ALG8: variants seen among roughly 807,000 people sequenced by gnomAD.
ALG8 encodes dolichyl pyrophosphate Glc1Man9GlcNAc2 alpha-1,3-glucosyltransferase.
ALG8 carries 48 observed loss-of-function variants against 70.2 expected under a neutral mutation model. The ratio of observed to expected loss-of-function variants is 0.68; its 90% CI spans 0.54 to 0.87. The LOEUF (loss-of-function observed/expected upper bound fraction) is 0.87. Ranked by LOEUF, ALG8 falls within the 40% of genes least tolerant of loss-of-function variation. The pLI, the probability that ALG8 is intolerant of heterozygous loss-of-function variation, is 0.00. For missense variants in ALG8, 572 were observed against 608.7 expected (o/e 0.94, Z 0.64); for synonymous variants, 234 against 229.0 (o/e 1.02, Z -0.20).
chr11:78,125,000 T>C (rs369037248), intron 2 of ALG8, among the ~76,000 whole-genome samples: 1 of 151,420 alleles, frequency 6.6e-6, no homozygotes, highest in Non-Finnish European at 1.5e-5. Context: ...AGCTTTAGAA[T>C]AGTATATTTT....
chr11:78,109,396 A>G, intron 9 of ALG8, 46 bp downstream of exon 9: 1 of 1,612,980 alleles, frequency 6.2e-7, no homozygotes, highest in East Asian at 2.2e-5. Flanking sequence ...GACAAAAGAA[A>G]AGCAGAGAAA....
chr11:78,139,505 G>T lies in ALG8; in HGVS notation c.84C>A (p.Leu28=), dbSNP rs1435787174. 2 of 1,559,828 alleles carry T rather than the reference G, an allele frequency of 1.3e-6. No individual in the cohort carries two copies. Among genetic ancestry groups the T allele is most frequent in the Non-Finnish European group, 1.7e-6 (2 of 1,151,270 alleles). ...ALGVTLLKCL[L]IPTYHSTDFE... The stretch of plus-strand genomic sequence containing the variant: ...TGCGAGTCCCTTACTATGTGGGGAT[G>T]AGAAGGCATTTGAGAAGAGTCACCC... The change falls in exon 1 of 13, where the codon CTC becomes CTA. Residue 28 remains leucine (L), a synonymous_variant. Transcript: ENST00000299626.
intron 12 of ALG8, among the ~76,000 whole-genome samples, chr11:78,101,554 G>C (rs567218866): frequency 6.6e-6 from 1 of 152,196 alleles, no homozygotes; most frequent in Non-Finnish European, 1.5e-5. Context: ...GCTTTAACTG[G>C]GTTGCAGTGA....
chr11:78,121,312 TC>T, intron 3 of ALG8, 138 bp from the exon 4 acceptor site: 1 of 718,262 alleles, frequency 1.4e-6, no homozygotes, highest in Non-Finnish European at 2.4e-6. Flanking sequence ...TTCCAATTTT[TC>T]TTTTTCTTTT....
chr11:78,133,073 G>A (rs1157054247), intron 1 of ALG8, among the ~76,000 whole-genome samples: 1 of 152,012 alleles, frequency 6.6e-6, no homozygotes, highest in East Asian at 1.9e-4. Context: ...CTGACCTCGT[G>A]ATCCGCCCGC....
At chr11:78,104,696 G>C (rs1442458856) in intron 10 of ALG8, 4 of 435,466 alleles carry the variant, frequency 9.2e-6, no homozygotes, top group Non-Finnish European at 1.7e-5. Context: ...GGGGACAGTG[G>C]CTCATGCCTT....
At chr11:78,126,486 T>C (rs1257796509) in intron 2 of ALG8, among the ~76,000 whole-genome samples, 6 of 147,804 alleles carry the variant, frequency 4.1e-5, no homozygotes, top group Non-Finnish European at 3.0e-5. Context: ...GAGCTGAGAT[T>C]GTGCCACTGC....
At chr11:78,106,326 T>C (rs1590806213) in intron 10 of ALG8, among the ~76,000 whole-genome samples, 1 of 152,192 alleles carries the variant, frequency 6.6e-6, no homozygotes, top group South Asian at 2.1e-4. Context: ...GCCTCCCGAG[T>C]AGCTGGGACT....
chr11:78,139,461 C>T (rs750907911), intron 1 of ALG8, 33 bp downstream of exon 1: 1 of 1,550,540 alleles, frequency 6.4e-7, no homozygotes, highest in South Asian at 1.2e-5. Flanking sequence ...GCGGGGCCTC[C>T]CCGCCCAGCC....
At chr11:78,105,619 C>A (rs565796989) in intron 10 of ALG8, among the ~76,000 whole-genome samples, 146 of 125,464 alleles carry the variant, frequency 1.2e-3, no homozygotes, top group African/African-American at 4.4e-3. Context: ...GCCTAGGCAA[C>A]ATGGCAAGAC....
At chr11:78,114,514 C>G (rs1186354001) in intron 5 of ALG8, 122 bp from the exon 6 acceptor site, 1 of 1,151,066 alleles carries the variant, frequency 8.7e-7, no homozygotes, top group African/African-American at 1.5e-5. Flanking sequence ...GGGTGAAATT[C>G]AAATGCATCA....
At chr11:78,112,314 A>AG (rs980842327) in intron 8 of ALG8, 11 of 342,408 alleles carry the variant, frequency 3.2e-5, no homozygotes, top group East Asian at 1.5e-4. Context: ...AATGGTGAGA[A>AG]GGGGGGAAAA....
rs550145455 is a variant in ALG8 at position 78,134,435 on chromosome 11, G to C, written c.95+5059C>G. 2.1e-4 allele frequency among the ~76,000 whole-genome samples: 32 copies of C among 152,294 alleles called. 1 individual carries two copies. The highest frequency in any genetic ancestry group is 7.5e-4 in the African/African-American group (31 of 41,562). ...TTACAGGCATGAGCCACTGCGCCTG[G>C]CAAGACTGTGGCAATTGCTTAAAAT... On this transcript the variant is annotated intron_variant, in intron 1 of 12. Transcript: ENST00000299626.
At chr11:78,132,058 C>T (rs2136942902) in intron 1 of ALG8, among the ~76,000 whole-genome samples, 1 of 152,290 alleles carries the variant, frequency 6.6e-6, no homozygotes, top group South Asian at 2.1e-4. Context: ...TCTTACTCTA[C>T]ATTCACCTTT....
chr11:78,118,004 G>A (rs906607282), intron 5 of ALG8, among the ~76,000 whole-genome samples: 1 of 151,122 alleles, frequency 6.6e-6, no homozygotes, highest in Non-Finnish European at 1.5e-5. Flanking sequence ...CCAGGAGAAG[G>A]AGCTTGCAGT....
At position 78,138,703 on chromosome 11, in the gene ALG8, T is replaced by G; in HGVS notation, c.95+791A>C. On this transcript the variant is annotated intron_variant, in intron 1 of 12. Transcript: ENST00000299626. Reference sequence around the variant, plus strand: ...GAAGCCAATATTAATAAATACTGAGTACCTACTGTATACACACCACCATTT... The same window carrying G: ...GAAGCCAATATTAATAAATACTGAGGACCTACTGTATACACACCACCATTT... 2.2e-6 allele frequency: 1 copy of G among 456,268 alleles called. No individual in the cohort carries two copies. The highest frequency in any genetic ancestry group is 4.4e-6 in the Non-Finnish European group (1 of 226,950). 28.3% of individuals were successfully genotyped at this position (456,268 alleles called of 1,614,324 possible).
intron 1 of ALG8, among the ~76,000 whole-genome samples, chr11:78,135,864 G>GAAAA (rs57209723): frequency 0.18 from 25,883 of 140,288 alleles, 2,733 homozygotes; most frequent in African/African-American, 0.28. Flanking sequence ...AAATAAATAA[G>GAAAA]AAAAAAAAAA....
chr11:78,114,149 G>A, intron 6 of ALG8, 117 bp downstream of exon 6: 2 of 1,460,338 alleles, frequency 1.4e-6, no homozygotes, highest in Non-Finnish European at 1.9e-6. Context: ...AGGGCTTACA[G>A]GATTAGCAGC....
intron 5 of ALG8, chr11:78,114,699 C>G: frequency 4.7e-6 from 2 of 429,828 alleles, no homozygotes; most frequent in South Asian, 1.8e-5. Context: ...AGTGTGGTGA[C>G]TCACACCTGC....
Sources: allele counts gnomAD v4.1 joint callset (sites outside exome capture counted in the v4.1 genomes callset), GRCh38; gene constraint gnomAD v4.1.1; transcripts MANE v1.5; gene names NCBI Gene and HGNC (gene_info 2026-07-23, HGNC 2026-07-21).